The following BMF variants were observed in gnomAD, a reference collection of about 807,000 sequenced individuals.
BMF encodes bcl-2-modifying factor.
A neutral mutation model predicts 22.0 loss-of-function variants in BMF; 10 were observed. The observed-to-expected ratio is 0.45, with a 90% CI of 0.28 to 0.77. The LOEUF is 0.77. BMF is among the 30% of genes least tolerant of loss of function. The pLI, the probability that BMF is intolerant of heterozygous loss-of-function variation, is 0.13. For missense variants in BMF, 206 were observed against 226.8 expected, an observed-to-expected ratio of 0.91 and a Z score of 0.59; for synonymous variants, 87 against 88.1, an observed-to-expected ratio of 0.99 and a Z score of 0.07.
In BMF at chr15:40,091,836, T is replaced by C; in HGVS notation, c.506A>G (p.Asn169Ser). The change falls in exon 5 of 5, where the codon AAC becomes AGC. Residue 169 changes from asparagine (N) to serine (S), a missense_variant. Asn to Ser is a conservative substitution (Grantham distance 46, BLOSUM62 1). Transcript: ENST00000354670. Reference sequence around the variant, plus strand: ...GTTCTCTTCTCCATTCAAAGCAAGGTTGTGCAGGAAGAGGAGGATCTGCCA... The same window carrying C: ...GTTCTCTTCTCCATTCAAAGCAAGGCTGTGCAGGAAGAGGAGGATCTGCCA... The part of the protein sequence containing the change: ...VWWQILLFLH[N>S]LALNGEENRN... 5 of 1,611,762 alleles carry C rather than the reference T, an allele frequency of 3.1e-6. No homozygotes were observed. The highest frequency in any genetic ancestry group is 2.2e-5 in the South Asian group (2 of 90,550).
At position 40,106,727 on chromosome 15, in the gene BMF, C is replaced by G. The variant is rs1275798287; in HGVS notation, c.-5-636G>C. ...CCCCTTGCTTGCACAACACAACAAA[C>G]AGGCTCTGCAGTGTGGTAAGAATGT... is the stretch of plus-strand genomic sequence containing the variant. On this transcript the variant is annotated intron_variant, in intron 2 of 4. Transcript: ENST00000354670. This position sits in a 1 kb window ranked among gnomAD's most constrained non-coding sequence, Gnocchi z 4.1. The G allele has an allele frequency of 2.0e-5, 3 of 152,360 alleles. No homozygotes were observed. The highest frequency in any genetic ancestry group is 7.2e-5 in the African/African-American group (3 of 41,450). The allele number at this position is 152,360 out of a possible 1,614,324, so 9.4% of individuals were successfully genotyped here. A position where few individuals can be genotyped will look rare whatever the true frequency, so the allele number is the denominator to read the frequency against.
chr15:40,099,009 C>T (rs1375209322), intron 4 of BMF, among the ~76,000 whole-genome samples: 1 of 152,210 alleles, frequency 6.6e-6, no homozygotes, highest in African/African-American at 2.4e-5. Flanking sequence ...CACTCTGGCT[C>T]TCCGCAGTCC....
chr15:40,095,969 A>T (rs1047820272), intron 4 of BMF, among the ~76,000 whole-genome samples: 2 of 152,148 alleles, frequency 1.3e-5, no homozygotes, highest in Non-Finnish European at 2.9e-5. Flanking sequence ...AATGGGGAAC[A>T]TGGAAGGCAT....
chr15:40,091,929 ACG>A, intron 4 of BMF, 41 bp from the exon 5 acceptor site: 1 of 1,435,248 alleles, frequency 7.0e-7, no homozygotes, highest in Non-Finnish European at 9.6e-7. Flanking sequence ...TAACTCCCAA[ACG>A]CAATCTTAGA....
intron 4 of BMF, among the ~76,000 whole-genome samples, chr15:40,094,049 T>C (rs144233128): frequency 1.3e-5 from 2 of 152,346 alleles, no homozygotes; most frequent in Non-Finnish European, 2.9e-5. Context: ...AGAGTGCCAC[T>C]ACCTTTCTTT....
intron 4 of BMF, among the ~76,000 whole-genome samples, chr15:40,102,161 G>A (rs2036489167): frequency 6.6e-6 from 1 of 152,170 alleles, no homozygotes; most frequent in Admixed American, 6.5e-5. Flanking sequence ...AGGCGCAGTG[G>A]CTCACGCCTG....
At chr15:40,100,865 C>A (rs999064890) in intron 4 of BMF, among the ~76,000 whole-genome samples, 2 of 152,140 alleles carry the variant, frequency 1.3e-5, no homozygotes, top group African/African-American at 4.8e-5. Flanking sequence ...TGCAAAAAAA[C>A]GAGTAACTCA....
intron 3 of BMF, among the ~76,000 whole-genome samples, chr15:40,104,908 C>G (rs1389163099): frequency 6.6e-6 from 1 of 152,222 alleles, no homozygotes; most frequent in Admixed American, 6.5e-5. Context: ...CAGCCCCAGG[C>G]AAGACCTCTA....
intron 4 of BMF, among the ~76,000 whole-genome samples, chr15:40,103,836 T>A (rs2036529092): frequency 6.6e-6 from 1 of 152,164 alleles, no homozygotes; most frequent in African/African-American, 2.4e-5. Flanking sequence ...ATCTTCCTCT[T>A]AGGTCCGTGA....
chr15:40,101,263 GA>G (rs2036470687), intron 4 of BMF, among the ~76,000 whole-genome samples: 1 of 152,188 alleles, frequency 6.6e-6, no homozygotes, highest in Non-Finnish European at 1.5e-5. Context: ...ATCATAAACA[GA>G]AAGAAGGAAA....
At chr15:40,092,867 G>A (rs970325196) in intron 4 of BMF, among the ~76,000 whole-genome samples, 1 of 152,034 alleles carries the variant, frequency 6.6e-6, no homozygotes, top group Admixed American at 6.5e-5. Flanking sequence ...CTGGGCGGGG[G>A]CCTCTCCACA....
intron 4 of BMF, among the ~76,000 whole-genome samples, chr15:40,092,852 G>C (rs952943225): frequency 3.9e-5 from 6 of 152,050 alleles, no homozygotes; most frequent in Non-Finnish European, 8.8e-5. Context: ...GCCAGGGCAG[G>C]AGGACTGGGC....
chr15:40,100,197 G>C (rs2036447971), intron 4 of BMF, among the ~76,000 whole-genome samples: 1 of 152,224 alleles, frequency 6.6e-6, no homozygotes, highest in Non-Finnish European at 1.5e-5. Flanking sequence ...CTCTCCCAAG[G>C]GGAGGGGATA....
chr15:40,098,223 AACTGGAAGACACTGGCTCCAGCC>A (rs1313681906), intron 4 of BMF, among the ~76,000 whole-genome samples: 1 of 152,192 alleles, frequency 6.6e-6, no homozygotes, highest in Non-Finnish European at 1.5e-5. Flanking sequence ...CCTCTAACGC[AACTGGAAGACACTGGCTCCAGCC>A]ACTGGGGGTT....
chr15:40,101,300 T>C (rs1595481708), intron 4 of BMF, among the ~76,000 whole-genome samples: 1 of 152,238 alleles, frequency 6.6e-6, no homozygotes, highest in East Asian at 1.9e-4. Context: ...ATCTACTGTG[T>C]GTCCCAAACT....
chr15:40,090,723 C>G lies in BMF; in HGVS notation c.*1064G>C, dbSNP rs117739569. 0.019 allele frequency: 2,837 copies of G among 152,352 alleles called. 45 individuals are homozygous for G. Among genetic ancestry groups the G allele is most frequent in the Middle Eastern group, 0.037 (11 of 294 alleles). The allele number at this position is 152,352 out of a possible 1,614,324, so 9.4% of individuals were successfully genotyped here. A position where few individuals can be genotyped will look rare whatever the true frequency, so the allele number is the denominator to read the frequency against. ...GCCACTGTCCTGGCTTCTTCTGTAT[C>G]CCACTAGGTATGAAAAAGGACTGGG... On this transcript the variant is annotated 3_prime_UTR_variant, in exon 5 of 5. Coordinates refer to ENST00000354670, the MANE Select transcript of BMF (RefSeq NM_001003940.2).
intron 4 of BMF, 22 bp from the exon 5 acceptor site, chr15:40,091,910 A>G (rs77165752): frequency 1.3e-6 from 2 of 1,505,148 alleles, no homozygotes; most frequent in Non-Finnish European, 1.8e-6. Flanking sequence ...AAAAAAAAAA[A>G]GACCAACATA....
At chr15:40,096,477 A>G (rs1009028178) in intron 4 of BMF, among the ~76,000 whole-genome samples, 1 of 152,220 alleles carries the variant, frequency 6.6e-6, no homozygotes, top group Non-Finnish European at 1.5e-5. Flanking sequence ...TTTACCAAAC[A>G]GAGAGCAACT....
chr15:40,108,251 C>CACACA lies in BMF; in HGVS notation c.-6+7_-6+8insTGTGT, dbSNP rs3222153. On this transcript the variant is annotated splice_region_variant and intron_variant, in intron 2 of 4. Transcript: ENST00000354670. ...ACACACACACACACACACACACACA[C>CACACA]CCCAGACCTGGGTGACTCCAGGAGA... The CACACA allele has an allele frequency of 3.3e-5, 5 of 151,476 alleles. No individual in the cohort carries two copies. The highest frequency in any genetic ancestry group is 5.8e-5 in the Non-Finnish European group (4 of 68,650). 9.4% of individuals were successfully genotyped at this position (151,476 alleles called of 1,614,324 possible).
Sources: allele counts gnomAD v4.1 joint callset (sites outside exome capture counted in the v4.1 genomes callset), GRCh38; gene constraint gnomAD v4.1.1; non-coding constraint Gnocchi (gnomAD v3.1); transcripts MANE v1.5; gene names NCBI Gene and HGNC (gene_info 2026-07-23, HGNC 2026-07-21).